WDR62: variants seen among roughly 807,000 people sequenced by gnomAD.
WDR62 encodes WD repeat-containing protein 62.
WDR62 carries 112 observed loss-of-function variants against 160.6 expected under a neutral mutation model. That is an observed-to-expected ratio of 0.70 (90% CI 0.60 to 0.82). The LOEUF (loss-of-function observed/expected upper bound fraction) is 0.82. Among genes scored for constraint, WDR62 ranks in the 40% least tolerant of loss-of-function variants. The pLI is 0.00. For synonymous variants in WDR62, 792 were observed against 815.1 expected, an observed-to-expected ratio of 0.97 and a Z score of 0.48; for missense variants, 1,819 against 1,983.8, an observed-to-expected ratio of 0.92 and a Z score of 1.58.
chr19:36,098,762 T>C (rs763539456), intron 21 of WDR62, among the ~76,000 whole-genome samples: 11 of 152,070 alleles, frequency 7.2e-5, no homozygotes, highest in Admixed American at 1.3e-4. Context: ...CAGACATCCA[T>C]ACAGAAATGT....
chr19:36,069,968 G>A (rs1296161648), intron 7 of WDR62, among the ~76,000 whole-genome samples: 1 of 141,090 alleles, frequency 7.1e-6, no homozygotes, highest in South Asian at 2.3e-4. Flanking sequence ...GCTTTGGCTC[G>A]GCATCAGAGG....
rs1416449502 is a variant in WDR62 at position 36,100,836 on chromosome 19, A to G, written c.2828A>G (p.Tyr943Cys). The stretch of plus-strand genomic sequence containing the variant: ...TCTGAGGCCAGTGAGCTCATCCTCT[A>G]CTCTCTGGAGGCAGAAGTGACAGTC... ...ESSEASELILYSLEAEVTVTG... is the reference protein window; with the variant it reads ...ESSEASELILCSLEAEVTVTG... Residue 943 changes from tyrosine to cysteine, a missense_variant, in exon 23 of 32, where the codon TAC becomes TGC. Transcript: ENST00000401500. 2.6e-5 allele frequency: 42 copies of G among 1,613,854 alleles called. No individual in the cohort carries two copies. In the East Asian group the frequency reaches 9.1e-4, roughly 35 times the overall value.
rs1973394652 is a variant in WDR62 at position 36,102,146 on chromosome 19, G to C, written c.3215G>C (p.Cys1072Ser). 6.2e-7 allele frequency: 1 copy of C among 1,613,898 alleles called. No individual in the cohort carries two copies. The highest frequency in any genetic ancestry group is 8.5e-7 in the Non-Finnish European group (1 of 1,180,032). ...HHFETLTESP[C>S]RELFPAALGD... ...TTTGAGACACTGACTGAGTCCCCCT[G>C]CAGAGGTAGGGCCCTGCCTCACCCA... The change falls in exon 26 of 32, where the codon TGC (cysteine) becomes TCC (serine). Residue 1072 changes from cysteine to serine, a missense_variant. Transcript: ENST00000401500.
At position 36,058,752 on chromosome 19, in the gene WDR62, G is replaced by A. The variant is rs781453170; in HGVS notation, c.178-28G>A. 11 of 1,598,192 alleles carry A rather than the reference G, an allele frequency of 6.9e-6. No homozygotes were observed. In the East Asian group the frequency reaches 1.6e-4, roughly 23 times the overall value. On this transcript the variant is annotated intron_variant, in intron 1 of 31. Transcript: ENST00000401500. ...CCATGTGGTGCTGGCTAGGGTGGGTGCCTCTGACTTGGGCTTTTTCTTTGC... is the reference window on the plus strand; with the variant it reads ...CCATGTGGTGCTGGCTAGGGTGGGTACCTCTGACTTGGGCTTTTTCTTTGC...
chr19:36,092,642 A>G, intron 18 of WDR62, 47 bp from the exon 19 acceptor site: 1 of 1,612,720 alleles, frequency 6.2e-7, no homozygotes, highest in Non-Finnish European at 8.5e-7. Flanking sequence ...AGCGGCTCCC[A>G]TGCTTACTCT....
chr19:36,057,272 C>G (rs111747932), intron 1 of WDR62, among the ~76,000 whole-genome samples: 1 of 152,126 alleles, frequency 6.6e-6, no homozygotes, highest in African/African-American at 2.4e-5. Context: ...TTCATGTTAG[C>G]TAATACTGAT....
intron 6 of WDR62, 82 bp from the exon 7 acceptor site, chr19:36,067,746 C>CTGTTT: frequency 6.7e-7 from 1 of 1,485,636 alleles, no homozygotes; most frequent in South Asian, 1.1e-5. Flanking sequence ...TAGAGTTCTC[C>CTGTTT]TGTTTTGTTG....
At chr19:36,087,494 A>C (rs2145753452) in intron 13 of WDR62, among the ~76,000 whole-genome samples, 2 of 150,028 alleles carry the variant, frequency 1.3e-5, no homozygotes, top group South Asian at 4.2e-4. Context: ...TTGGGTGACA[A>C]TGCGAGACTT....
At chr19:36,092,629 G>A (rs914623454) in intron 18 of WDR62, 60 bp from the exon 19 acceptor site, 11 of 1,610,380 alleles carry the variant, frequency 6.8e-6, no homozygotes, top group Middle Eastern at 1.7e-4. Flanking sequence ...GGTCAGCCAC[G>A]GCAGCGGCTC....
intron 7 of WDR62, among the ~76,000 whole-genome samples, chr19:36,069,479 C>A (rs919893869): frequency 1.3e-5 from 2 of 151,484 alleles, no homozygotes; most frequent in African/African-American, 2.4e-5. Context: ...GAATGGCAGC[C>A]GGGAAGAGGC....
At position 36,103,137 on chromosome 19, in the gene WDR62, C is replaced by T. The variant is rs1973486560; in HGVS notation, c.3463-19C>T. The stretch of plus-strand genomic sequence containing the variant: ...GGGAACCCTGAGGCCTTGTCCTCAC[C>T]TCAGAGCTGTGCCTGCAGGTCCTCG... On this transcript the variant is annotated intron_variant, in intron 28 of 31. Transcript: ENST00000401500. 2.5e-6 allele frequency: 4 copies of T among 1,614,062 alleles called. No individual in the cohort carries two copies. Among genetic ancestry groups the T allele is most frequent in the Non-Finnish European group, 3.4e-6 (4 of 1,180,024 alleles).
rs115867022 is a variant in WDR62 at position 36,088,649 on chromosome 19, C to T, written c.1769-389C>T. ...CATGCATGGGGCCTGGCCCAAGGCT[C>T]ATGTGGATCTTGCAGTTGATCCTGA... On this transcript the variant is annotated intron_variant, in intron 13 of 31. Coordinates refer to ENST00000401500, the MANE Select transcript of WDR62 (RefSeq NM_001083961.2). 9.1e-3 allele frequency among the ~76,000 whole-genome samples: 1,386 copies of T among 152,322 alleles called. 26 individuals are homozygous for T. The highest frequency in any genetic ancestry group is 0.032 in the African/African-American group (1,338 of 41,564).
chr19:36,102,213 C>T (rs1290837420), intron 26 of WDR62, 62 bp downstream of exon 26: 9 of 1,612,180 alleles, frequency 5.6e-6, no homozygotes, highest in East Asian at 4.5e-5. Flanking sequence ...ACAGCATTGG[C>T]GTCCCTGGAG....
At chr19:36,060,229 T>C in intron 3 of WDR62, 199 bp downstream of exon 3, 1 of 629,180 alleles carries the variant, frequency 1.6e-6, no homozygotes, top group Non-Finnish European at 2.9e-6. Flanking sequence ...GAATCTCTGC[T>C]GGCTAGAGCG....
chr19:36,106,883 G>A (rs1973726502), downstream of WDR62, among the ~76,000 whole-genome samples: 1 of 152,182 alleles, frequency 6.6e-6, no homozygotes, highest in South Asian at 2.1e-4. Flanking sequence ...CTGCCTCAGG[G>A]AGTCCAGGTG....
In WDR62 at chr19:36,100,885, C is replaced by T. The variant is rs1475458635; in HGVS notation, c.2867+10C>T. On this transcript the variant is annotated intron_variant, in intron 23 of 31. Coordinates refer to ENST00000401500, the MANE Select transcript of WDR62 (RefSeq NM_001083961.2). ...TCACAGGGACAGACAGGTGGGTGTCCTTTCCACCAAGGGAGCCTTAGTTGG... is the reference window on the plus strand; with the variant it reads ...TCACAGGGACAGACAGGTGGGTGTCTTTTCCACCAAGGGAGCCTTAGTTGG... 1.1e-5 allele frequency: 18 copies of T among 1,613,984 alleles called. No individual in the cohort carries two copies. The highest frequency in any genetic ancestry group is 1.4e-5 in the Non-Finnish European group (16 of 1,180,006).
At position 36,104,503 on chromosome 19, in the gene WDR62, TTC is replaced by T. The variant is rs926068149; in HGVS notation, c.4154-9_4154-8del. 1 of 1,613,076 alleles carries T rather than the reference TTC, an allele frequency of 6.2e-7. No homozygotes were observed. The highest frequency in any genetic ancestry group is 1.3e-5 in the African/African-American group (1 of 74,890). On this transcript the variant is annotated splice_polypyrimidine_tract_variant and intron_variant, in intron 30 of 31. Transcript: ENST00000401500. ...AATGCAGCTCATCTTGCTCATTCCC[TTC>T]TCTCTACCCCAGGTGCACTTGGTCT...
At chr19:36,081,320 T>G (rs1404813146) in intron 9 of WDR62, 113 bp from the exon 10 acceptor site, 2 of 1,265,840 alleles carry the variant, frequency 1.6e-6, no homozygotes, top group African/African-American at 1.5e-5. Flanking sequence ...ATAGAAGGTA[T>G]TGCACGATAC....
downstream of WDR62, among the ~76,000 whole-genome samples, chr19:36,108,398 C>T (rs980717458): frequency 8.6e-5 from 13 of 152,020 alleles, no homozygotes; most frequent in African/African-American, 3.1e-4. Flanking sequence ...TTGGCCTCCC[C>T]ATAGCAGTAC....
Sources: allele counts gnomAD v4.1 joint callset (sites outside exome capture counted in the v4.1 genomes callset), GRCh38; gene constraint gnomAD v4.1.1; transcripts MANE v1.5; gene names NCBI Gene and HGNC (gene_info 2026-07-23, HGNC 2026-07-21).